The following SDK2 variants were observed in gnomAD, a reference collection of about 807,000 sequenced individuals.
SDK2 encodes the protein sidekick cell adhesion molecule 2.
A neutral mutation model predicts 253.9 loss-of-function variants in SDK2; 105 were observed. The ratio of observed to expected loss-of-function variants is 0.41; its 90% confidence interval spans 0.35 to 0.49. The LOEUF is 0.49. Ranked by LOEUF, SDK2 falls within the 20% of genes least tolerant of loss-of-function variation. The probability of loss-of-function intolerance (pLI) is 0.06; values close to 1 mark genes in which losing one functional copy is unlikely to be tolerated. For missense variants in SDK2, 2,608 were observed against 3,003.0 expected (o/e 0.87, Z 3.07); for synonymous variants, 1,249 against 1,234.9 (o/e 1.01, Z -0.24).
chr17:73,569,726 G>A (rs1272022096), intron 1 of SDK2, among the ~76,000 whole-genome samples: 1 of 151,908 alleles, frequency 6.6e-6, no homozygotes, highest in Non-Finnish European at 1.5e-5. Flanking sequence ...GCTGCACTCT[G>A]GGAAAGATCA....
rs1204265275 is a variant in SDK2, at chr17:73,483,603, GTGTATATATATGTATATATATGTATA to G, written c.225-11411_225-11386del. The stretch of plus-strand genomic sequence containing the variant: ...TGTATATATATGTATATATATGTAT[GTGTATATATATGTATATATATGTATA>G]TGTATATATATATGTGTGTGTGTGT... On this transcript the variant is annotated intron_variant, in intron 2 of 44. Coordinates refer to ENST00000392650, the MANE Select transcript of SDK2 (RefSeq NM_001144952.2). Among the ~76,000 whole-genome samples, 360 of 135,524 alleles carry G rather than the reference GTGTATATATATGTATATATATGTATA, an allele frequency of 2.7e-3. 2 individuals carry two copies. The highest frequency in any genetic ancestry group is 9.4e-3 in the African/African-American group (338 of 35,930). The allele number at this position is 135,524 out of a possible 152,430, so 88.9% of individuals were successfully genotyped here. A position where few individuals can be genotyped will look rare whatever the true frequency, so the allele number is the denominator to read the frequency against.
intron 2 of SDK2, among the ~76,000 whole-genome samples, chr17:73,479,082 C>T (rs989657004): frequency 6.6e-6 from 1 of 152,262 alleles, no homozygotes. Flanking sequence ...TGTGCACACA[C>T]ATGTTTGGAT....
In SDK2 at chr17:73,447,056, C is replaced by T. The variant is rs2063457787; in HGVS notation, c.613+559G>A. Reference sequence around the variant, plus strand: ...TGGTGAGTTCTAGGGAGGGCTTTGCCCTTTTCGCCCAGGGAGCTGGAGGTG... The same window carrying T: ...TGGTGAGTTCTAGGGAGGGCTTTGCTCTTTTCGCCCAGGGAGCTGGAGGTG... On this transcript the variant is annotated intron_variant, in intron 5 of 44. Transcript: ENST00000392650. The surrounding 1 kb of genome is among the most constrained non-coding windows in gnomAD (Gnocchi z 4.0). Among the ~76,000 whole-genome samples the T allele has an allele frequency of 6.6e-6, 1 of 152,150 alleles. No individual in the cohort carries two copies. Among genetic ancestry groups the T allele is most frequent in the Admixed American group, 6.5e-5 (1 of 15,278 alleles).
In SDK2 at chr17:73,644,044, G is replaced by A. The variant is rs1555613450; in HGVS notation, c.45C>T (p.Ile15=). 17 of 1,550,482 alleles carry A rather than the reference G, an allele frequency of 1.1e-5. No homozygotes were observed. Among genetic ancestry groups the A allele is most frequent in the Non-Finnish European group, 1.3e-5 (15 of 1,146,574 alleles). Residue 15 remains isoleucine, a synonymous_variant, in exon 1 of 45, where the codon ATC becomes ATT. Coordinates refer to ENST00000392650, the MANE Select transcript of SDK2 (RefSeq NM_001144952.2). The surrounding 1 kb of genome is among the most constrained non-coding windows in gnomAD (Gnocchi z 6.3). ...LIWTLLALHQ[I]RAARAQDDVS... ...CCTTACCTTGGGCTCTGGCCGCGCGGATCTGATGCAGAGCTAGCAGTGTCC... is the reference window on the plus strand; with the variant it reads ...CCTTACCTTGGGCTCTGGCCGCGCGAATCTGATGCAGAGCTAGCAGTGTCC...
intron 2 of SDK2, among the ~76,000 whole-genome samples, chr17:73,483,697 A>G (rs1242732756): frequency 4.4e-5 from 3 of 67,870 alleles, no homozygotes; most frequent in Admixed American, 1.9e-4. Context: ...ATATATATAT[A>G]TATATATATA....
At chr17:73,638,166 G>A (rs2046355587) in intron 1 of SDK2, among the ~76,000 whole-genome samples, 1 of 152,196 alleles carries the variant, frequency 6.6e-6, no homozygotes, top group African/African-American at 2.4e-5. Context: ...CTGGCAGGAA[G>A]CTGGAGAGCT....
intron 1 of SDK2, among the ~76,000 whole-genome samples, chr17:73,547,126 T>C (rs920906372): frequency 6.6e-6 from 1 of 152,174 alleles, no homozygotes; most frequent in South Asian, 2.1e-4. Context: ...GTCTCCTCTT[T>C]TGGACACAGC....
chr17:73,436,108 A>G (rs1279197840), intron 8 of SDK2, among the ~76,000 whole-genome samples: 1 of 151,952 alleles, frequency 6.6e-6, no homozygotes, highest in Non-Finnish European at 1.5e-5. Flanking sequence ...TGCTCTGGGA[A>G]CCTCCAAGTG....
chr17:73,451,404 T>G (rs1441124973), intron 4 of SDK2, among the ~76,000 whole-genome samples: 2 of 152,222 alleles, frequency 1.3e-5, no homozygotes, highest in Non-Finnish European at 2.9e-5. Flanking sequence ...TACTGGAGGC[T>G]GAGGCAGGAG....
intron 1 of SDK2, among the ~76,000 whole-genome samples, chr17:73,557,229 G>T (rs2045156810): frequency 6.6e-6 from 1 of 152,156 alleles, no homozygotes; most frequent in Non-Finnish European, 1.5e-5. Flanking sequence ...CTCAACAAAT[G>T]GTGGCTGCCC....
At chr17:73,558,937 GCT>G (rs951904011) in intron 1 of SDK2, among the ~76,000 whole-genome samples, 1 of 152,218 alleles carries the variant, frequency 6.6e-6, no homozygotes, top group South Asian at 2.1e-4. Context: ...TGCCTCCCTG[GCT>G]CTGTCTGCAG....
At position 73,383,962 on chromosome 17, in the gene SDK2, C is replaced by T. The variant is rs771273833; in HGVS notation, c.4619G>A (p.Arg1540Gln). The T allele has an allele frequency of 1.2e-5, 19 of 1,613,768 alleles. No homozygotes were observed. The highest frequency in any genetic ancestry group is 3.3e-5 in the South Asian group (3 of 91,068). The change falls in exon 33 of 45, where the codon CGA (arginine) becomes CAA (glutamine). Residue 1540 changes from arginine (R) to glutamine (Q), a missense_variant. Arg to Gln is a conservative substitution (Grantham distance 43, BLOSUM62 1). Around this residue, in one of 2 missense-constraint regions of SDK2, gnomAD observed 1,103 missense variants for 1,143.9 expected, o/e 0.96. Transcript: ENST00000392650. The surrounding 1 kb of genome is among the most constrained non-coding windows in gnomAD (Gnocchi z 4.3). ...INGILLGFRI[R>Q]YRELLYEGLR... is the part of the protein sequence containing the mutation. ...TCCTTCATAGAGCAGCTCCCGGTAT[C>T]GGATCCGGAAGCCCAGGAGGATGCC...
At chr17:73,394,136 G>T in intron 26 of SDK2, 73 bp downstream of exon 26, 1 of 940,026 alleles carries the variant, frequency 1.1e-6, no homozygotes, top group Non-Finnish European at 1.5e-6. Flanking sequence ...GGGTGATAAG[G>T]ACAAGGCCCC....
In SDK2 at chr17:73,616,725, C is replaced by A. The variant is rs1408273964; in HGVS notation, c.64+27300G>T. Among the ~76,000 whole-genome samples the A allele has an allele frequency of 6.6e-6, 1 of 152,144 alleles. No individual in the cohort carries two copies. The highest frequency in any genetic ancestry group is 2.4e-5 in the African/African-American group (1 of 41,416). ...ATAGGAAGCCACTTTCCTCCTGGGC[C>A]CAGCCCTTAGAGAGGTGCCTGAGAG... On this transcript the variant is annotated intron_variant, in intron 1 of 44. Transcript: ENST00000392650. This position sits in a 1 kb window ranked among gnomAD's most constrained non-coding sequence, Gnocchi z 5.2.
At chr17:73,392,372 C>T (rs1002166243) in intron 27 of SDK2, among the ~76,000 whole-genome samples, 17 of 151,956 alleles carry the variant, frequency 1.1e-4, no homozygotes, top group African/African-American at 3.9e-4. Flanking sequence ...CGGGTTCAAG[C>T]GATTCTCCTG....
chr17:73,388,083 T>C (rs2062889937), intron 29 of SDK2, 46 bp from the exon 30 acceptor site: 1 of 1,349,264 alleles, frequency 7.4e-7, no homozygotes, highest in African/African-American at 1.4e-5. Context: ...GGCCAGGCCA[T>C]GGTGGAGGGG....
intron 21 of SDK2, among the ~76,000 whole-genome samples, chr17:73,399,683 C>T (rs893865105): frequency 6.6e-6 from 1 of 152,202 alleles, no homozygotes; most frequent in Non-Finnish European, 1.5e-5. Flanking sequence ...CCCTTCCATC[C>T]GCCCAGACCC....
chr17:73,365,583 A>T (rs1568367401), intron 37 of SDK2, among the ~76,000 whole-genome samples, 188 bp from the exon 38 acceptor site: 1 of 152,000 alleles, frequency 6.6e-6, no homozygotes, highest in Non-Finnish European at 1.5e-5. Flanking sequence ...TCCTCTCTCA[A>T]CTTTCCAGTA....
At chr17:73,347,776 C>A (rs952916720) in intron 44 of SDK2, among the ~76,000 whole-genome samples, 1 of 118,666 alleles carries the variant, frequency 8.4e-6, no homozygotes, top group Non-Finnish European at 1.9e-5. Flanking sequence ...ATACACACAG[C>A]CCCTTCCCCA....
Sources: gnomAD v4.1 joint callset for allele counts (sites outside exome capture counted in the v4.1 genomes callset) on GRCh38, gnomAD v4.1.1 for gene constraint, gnomAD v4.1.1 regional missense constraint, Gnocchi (gnomAD v3.1) non-coding constraint, MANE v1.5 for transcripts, NCBI Gene and HGNC (gene_info 2026-07-23, HGNC 2026-07-21) for gene names.